The following ZNF75D variants were observed in gnomAD, a reference collection of about 807,000 sequenced individuals.
The protein encoded by ZNF75D is zinc finger protein 75D, also known as zinc finger protein 75.
A neutral mutation model predicts 33.3 loss-of-function variants in ZNF75D; 33 were observed. The observed-to-expected ratio is 0.99, with a 90% confidence interval of 0.75 to 1.32. ZNF75D has a LOEUF of 1.32. ZNF75D is among the 40% of genes most tolerant of loss of function. The pLI, the probability that ZNF75D is intolerant of heterozygous loss-of-function variation, is 0.00. For synonymous variants in ZNF75D, 113 were observed against 130.6 expected, an observed-to-expected ratio of 0.87 and a Z score of 0.92; for missense variants, 338 against 367.5, an observed-to-expected ratio of 0.92 and a Z score of 0.66.
chrX:135,321,553 T>C (rs1356279373), intron 1 of ZNF75D, among the ~76,000 whole-genome samples: 5 of 111,305 alleles, frequency 4.5e-5, no homozygotes, highest in Admixed American at 3.8e-4. Context: ...ATCTCTCCAT[T>C]GTTACAGAAG....
chrX:135,266,066 G>A (rs1340961393), intron 1 of ZNF75D, among the ~76,000 whole-genome samples: 2 of 110,697 alleles, frequency 1.8e-5, no homozygotes, highest in Non-Finnish European at 3.8e-5. Context: ...CAAAATAATG[G>A]GTTATAAGAT....
chrX:135,310,426 T>C (rs2084345940), intron 1 of ZNF75D, among the ~76,000 whole-genome samples: 1 of 111,812 alleles, frequency 8.9e-6, no homozygotes, highest in Non-Finnish European at 1.9e-5. Context: ...GACTGAGAAG[T>C]GAGAGCTAAA....
chrX:135,343,276 C>T lies in ZNF75D; in HGVS notation c.-1899G>A, dbSNP rs1602676496. The T allele has an allele frequency of 8.9e-6, 1 of 112,756 alleles. No individual in the cohort carries two copies. Among genetic ancestry groups the T allele is most frequent in the African/African-American group, 3.2e-5 (1 of 31,001 alleles). The allele number at this position is 112,756 out of a possible 1,213,427, so 9.3% of individuals were successfully genotyped here. ...TCTCACTCACCTATTCCCTCAGTTT[C>T]ACAAGCTCTCTCTTTTAAAAGTCAT... On this transcript the variant is annotated 5_prime_UTR_variant, in exon 1 of 7. It removes the in-frame stop codon of an upstream open reading frame in the 5' UTR. Transcript: ENST00000370766.
chrX:135,262,778 T>C (rs1031529223), intron 1 of ZNF75D, among the ~76,000 whole-genome samples: 5 of 112,435 alleles, frequency 4.4e-5, no homozygotes, highest in Non-Finnish European at 9.4e-5. Context: ...TTACTGACCT[T>C]CCCAAGCCTA....
intron 1 of ZNF75D, among the ~76,000 whole-genome samples, chrX:135,338,746 A>C (rs2084747115): frequency 9.0e-6 from 1 of 111,616 alleles, no homozygotes; most frequent in African/African-American, 3.3e-5. Context: ...TTTAAAATAT[A>C]ATCACTTTTA....
chrX:135,335,170 G>T (rs781897412), intron 1 of ZNF75D, among the ~76,000 whole-genome samples: 1 of 111,763 alleles, frequency 8.9e-6, no homozygotes, highest in Non-Finnish European at 1.9e-5. Flanking sequence ...GGGCAGAATG[G>T]CTGGGGCAGT....
intron 1 of ZNF75D, among the ~76,000 whole-genome samples, chrX:135,301,232 G>A (rs918075282): frequency 5.4e-5 from 6 of 111,388 alleles, no homozygotes; most frequent in African/African-American, 2.0e-4. Flanking sequence ...TGATCCAATC[G>A]CTTCCCTCAC....
chrX:135,330,939 T>A (rs1302036356), intron 1 of ZNF75D, among the ~76,000 whole-genome samples: 1 of 110,020 alleles, frequency 9.1e-6, no homozygotes, highest in Non-Finnish European at 1.9e-5. Flanking sequence ...AGCAAGGGAG[T>A]ACTTAGGTTA....
At chrX:135,258,083 A>G (rs1307441800) in intron 1 of ZNF75D, among the ~76,000 whole-genome samples, 1 of 107,066 alleles carries the variant, frequency 9.3e-6, no homozygotes, top group Non-Finnish European at 2.0e-5. Flanking sequence ...TGTCCTTGTG[A>G]TACTTTGCTG....
intron 1 of ZNF75D, among the ~76,000 whole-genome samples, chrX:135,308,054 T>A (rs1556426241): frequency 8.9e-6 from 1 of 112,418 alleles, no homozygotes; most frequent in Non-Finnish European, 1.9e-5. Context: ...GAAGGAGACA[T>A]GTAGATGGCA....
chrX:135,297,553 C>A, intron 1 of ZNF75D: 1 of 115,855 alleles, frequency 8.6e-6, no homozygotes, highest in East Asian at 2.6e-4. Context: ...CATTTTCTTT[C>A]CCCTAAACAC....
rs375658579 is a variant in ZNF75D, at chrX:135,285,854, G to A, written c.*1283C>T. ...AGATAAAATGTGTCATTTTCATTAC[G>A]AAGTACAATTTTATGGAATACTAAA... On this transcript the variant is annotated 3_prime_UTR_variant, in exon 7 of 7. Transcript: ENST00000370766. The A allele has an allele frequency of 4.5e-5, 5 of 112,161 alleles. No homozygotes were observed. Among genetic ancestry groups the A allele is most frequent in the East Asian group, 5.6e-4 (2 of 3,593 alleles). The allele number at this position is 112,161 out of a possible 1,213,427, so 9.2% of individuals were successfully genotyped here.
intron 1 of ZNF75D, among the ~76,000 whole-genome samples, chrX:135,304,972 G>C (rs782334181): frequency 8.9e-6 from 1 of 112,654 alleles, no homozygotes; most frequent in African/African-American, 3.2e-5. Flanking sequence ...TGCTGGACTT[G>C]ACCCAAGGCC....
intron 1 of ZNF75D, among the ~76,000 whole-genome samples, chrX:135,258,396 A>G (rs1389684018): frequency 1.8e-5 from 2 of 110,608 alleles, no homozygotes; most frequent in Non-Finnish European, 3.8e-5. Flanking sequence ...GGTTGAACCA[A>G]TTTACACTCC....
rs782487677 is a variant in ZNF75D at position 135,287,281 on chromosome X, G to A, written c.1389C>T (p.His463=). Residue 463 remains histidine, a synonymous_variant, in exon 7 of 7, where the codon CAC becomes CAT. Transcript: ENST00000370766. ...TGTGAGTTCTCTGGTGTTTAATAAG[G>A]TGGGAGTTCTGAATGAATCTTTTTC... ...ECGKRFIQNS[H]LIKHQRTHTG... 2 of 1,211,855 alleles carry A rather than the reference G, an allele frequency of 1.7e-6. No individual in the cohort carries two copies. The highest frequency in any genetic ancestry group is 1.8e-5 in the South Asian group (1 of 56,984).
intron 5 of ZNF75D, 91 bp from the exon 6 acceptor site, chrX:135,291,226 G>A: frequency 9.4e-7 from 1 of 1,066,737 alleles, no homozygotes; most frequent in Non-Finnish European, 1.3e-6. Flanking sequence ...GCCAGGTGCT[G>A]AAGATGTGAA....
At chrX:135,269,258 A>G (rs1445276663) in intron 1 of ZNF75D, among the ~76,000 whole-genome samples, 1 of 111,999 alleles carries the variant, frequency 8.9e-6, no homozygotes, top group African/African-American at 3.2e-5. Flanking sequence ...ATGGGATCAT[A>G]TCAAGTGAAA....
intron 1 of ZNF75D, among the ~76,000 whole-genome samples, chrX:135,322,804 A>C (rs1241091287): frequency 8.9e-6 from 1 of 112,294 alleles, no homozygotes; most frequent in Non-Finnish European, 1.9e-5. Context: ...GACTACGGCC[A>C]TAGAAAATTA....
At chrX:135,262,734 C>G (rs2083847741) in intron 1 of ZNF75D, among the ~76,000 whole-genome samples, 1 of 112,083 alleles carries the variant, frequency 8.9e-6, no homozygotes, top group Non-Finnish European at 1.9e-5. Context: ...GCGATGGACT[C>G]AAACATCCTC....
Sources: allele counts gnomAD v4.1 joint callset (sites outside exome capture counted in the v4.1 genomes callset), GRCh38; gene constraint gnomAD v4.1.1; transcripts MANE v1.5; gene names NCBI Gene and HGNC (gene_info 2026-07-23, HGNC 2026-07-21).